PACRG: variants seen among roughly 807,000 people sequenced by gnomAD.
The protein encoded by PACRG is parkin coregulated gene protein.
Under a neutral mutation model 29.7 loss-of-function variants are expected in PACRG, and 29 were observed. The observed-to-expected ratio is 0.98, with a 90% confidence interval of 0.73 to 1.33. The LOEUF (loss-of-function observed/expected upper bound fraction) is 1.33, where lower values mean the gene tolerates loss of function less well. PACRG is among the 40% of genes most tolerant of loss of function. The pLI is 0.00. For synonymous variants in PACRG, 116 were observed against 118.7 expected (o/e 0.98, Z 0.15); for missense variants, 279 against 316.2 (o/e 0.88, Z 0.89).
At chr6:163,203,571 C>T (rs1307166115) in intron 4 of PACRG, among the ~76,000 whole-genome samples, 3 of 152,226 alleles carry the variant, frequency 2.0e-5, no homozygotes, top group Admixed American at 1.3e-4. Context: ...CCTCGTTCAG[C>T]TCATTAGCCC....
intron 2 of PACRG, among the ~76,000 whole-genome samples, chr6:162,814,986 G>A (rs1049832149): frequency 5.9e-5 from 9 of 152,188 alleles, no homozygotes; most frequent in East Asian, 3.8e-4. Context: ...TCTCTTAACC[G>A]GAGAAGGCTT....
chr6:162,776,342 C>T (rs1783640538), intron 1 of PACRG, among the ~76,000 whole-genome samples: 1 of 152,222 alleles, frequency 6.6e-6, no homozygotes, highest in Non-Finnish European at 1.5e-5. Flanking sequence ...TCCCATCTGC[C>T]TGTCCTCATT....
intron 4 of PACRG, among the ~76,000 whole-genome samples, chr6:163,287,230 C>T (rs888112142): frequency 2.0e-5 from 3 of 152,102 alleles, no homozygotes; most frequent in African/African-American, 4.8e-5. Context: ...ATGCTGGGGT[C>T]GCATTTGCTT....
intron 2 of PACRG, among the ~76,000 whole-genome samples, chr6:163,057,471 A>G (rs1362256542): frequency 1.3e-5 from 2 of 152,130 alleles, no homozygotes; most frequent in East Asian, 3.9e-4. Context: ...GCTAGAGTGC[A>G]GTTGCGCAAT....
At chr6:163,236,901 G>A (rs1782261406) in intron 4 of PACRG, among the ~76,000 whole-genome samples, 1 of 152,126 alleles carries the variant, frequency 6.6e-6, no homozygotes, top group African/African-American at 2.4e-5. Context: ...ATCTTACATG[G>A]CTTGAGCAGG....
At chr6:162,727,283 A>AAGGTGAGGGGCGGCGGC, upstream of PACRG, 1 of 265,566 alleles carries the variant, frequency 3.8e-6, no homozygotes, top group Non-Finnish European at 6.9e-6. Context: ...CAGTGAGGTG[A>AAGGTGAGGGGCGGCGGC]GGGGCGAAGG....
intron 2 of PACRG, among the ~76,000 whole-genome samples, chr6:162,947,296 TC>T (rs1309671401): frequency 5.0e-4 from 5 of 10,062 alleles, no homozygotes; most frequent in Non-Finnish European, 8.3e-4. Flanking sequence ...ATACATATAA[TC>T]ATATAATATA....
intron 3 of PACRG, among the ~76,000 whole-genome samples, chr6:163,068,011 C>A (rs928979787): frequency 3.3e-5 from 5 of 152,172 alleles, no homozygotes; most frequent in Non-Finnish European, 7.3e-5. Flanking sequence ...ATTTATCTGA[C>A]TTCATCTGAA....
At chr6:163,054,987 C>T (rs1810428699) in intron 2 of PACRG, among the ~76,000 whole-genome samples, 1 of 152,132 alleles carries the variant, frequency 6.6e-6, no homozygotes, top group African/African-American at 2.4e-5. Flanking sequence ...ACAACTTCAC[C>T]AGGTCAATTG....
At chr6:163,158,189 G>T (rs1778398616) in intron 4 of PACRG, among the ~76,000 whole-genome samples, 1 of 152,172 alleles carries the variant, frequency 6.6e-6, no homozygotes, top group Non-Finnish European at 1.5e-5. Flanking sequence ...GTAAAATGAG[G>T]CTGCTGACTG....
intron 3 of PACRG, among the ~76,000 whole-genome samples, chr6:163,070,636 G>A (rs1811953184): frequency 6.6e-6 from 1 of 151,810 alleles, no homozygotes; most frequent in Non-Finnish European, 1.5e-5. Flanking sequence ...AGGAAGGAAA[G>A]AAGGAATAGA....
intron 2 of PACRG, among the ~76,000 whole-genome samples, chr6:162,896,635 T>C (rs112654133): frequency 6.6e-6 from 1 of 152,356 alleles, no homozygotes; most frequent in Non-Finnish European, 1.5e-5. Flanking sequence ...TATAAACGTA[T>C]CCATGTGTTC....
intron 4 of PACRG, among the ~76,000 whole-genome samples, chr6:163,169,978 T>C (rs191275264): frequency 1.3e-5 from 2 of 152,216 alleles, no homozygotes; most frequent in South Asian, 2.1e-4. Flanking sequence ...GTCTGTGTGT[T>C]GTTGTCTGTG....
rs182358194 is a variant in PACRG, at chr6:163,107,655, A to G, written c.613+18247A>G. On this transcript the variant is annotated intron_variant, in intron 4 of 4. Coordinates refer to ENST00000366888, the MANE Select transcript of PACRG (RefSeq NM_001080379.2). ...GGGCCTCTCTGCTTCATGAGTTTCC[A>G]TAGATTTCTTGGTGAATATTCTTCT... Among the ~76,000 whole-genome samples, 10 of 152,230 alleles carry G rather than the reference A, an allele frequency of 6.6e-5. No individual in the cohort carries two copies. The East Asian group carries it at 1.5e-3, about 24-fold the overall frequency.
In PACRG at chr6:163,124,206, T is replaced by C. The variant is rs74719808; in HGVS notation, c.613+34798T>C. On this transcript the variant is annotated intron_variant, in intron 4 of 4. Transcript: ENST00000366888. Reference sequence around the variant, plus strand: ...TTTCAGAAATTAACTCCTTATCACATACATGGTTTGCAAATATGTTCTCCC... The same window carrying C: ...TTTCAGAAATTAACTCCTTATCACACACATGGTTTGCAAATATGTTCTCCC... 3.5e-4 allele frequency among the ~76,000 whole-genome samples: 54 copies of C among 152,350 alleles called. 1 individual carries two copies. In the East Asian group the frequency reaches 7.1e-3, roughly 20 times the overall value.
intron 2 of PACRG, among the ~76,000 whole-genome samples, chr6:163,034,779 G>C (rs1005745470): frequency 1.3e-5 from 2 of 152,244 alleles, no homozygotes; most frequent in Non-Finnish European, 1.5e-5. Flanking sequence ...TACAGGGAAG[G>C]GGTCCTAATC....
At chr6:163,300,041 C>T (rs12526892) in intron 4 of PACRG, among the ~76,000 whole-genome samples, 37,642 of 152,150 alleles carry the variant, frequency 0.25, 5,762 homozygotes, top group East Asian at 0.4. Flanking sequence ...ATGACCTATC[C>T]GGAGGCCTTG....
At chr6:163,275,100 C>G (rs1193002936) in intron 4 of PACRG, among the ~76,000 whole-genome samples, 1 of 152,108 alleles carries the variant, frequency 6.6e-6, no homozygotes, top group Non-Finnish European at 1.5e-5. Flanking sequence ...TCTCAAACTT[C>G]TGACCCCAAA....
chr6:163,172,992 A>G lies in PACRG; in HGVS notation c.613+83584A>G, dbSNP rs73784518. 4.7e-3 allele frequency among the ~76,000 whole-genome samples: 713 copies of G among 152,364 alleles called. 6 individuals carry two copies. Among genetic ancestry groups the G allele is most frequent in the African/African-American group, 0.016 (660 of 41,582 alleles). ...GGAATATTATATCACCATTTAAATGAGTGGAGAGTATCTAAGAACATGATA... is the reference window on the plus strand; with the variant it reads ...GGAATATTATATCACCATTTAAATGGGTGGAGAGTATCTAAGAACATGATA... On this transcript the variant is annotated intron_variant, in intron 4 of 4. Transcript: ENST00000366888.
Sources: allele counts gnomAD v4.1 joint callset (sites outside exome capture counted in the v4.1 genomes callset), GRCh38; gene constraint gnomAD v4.1.1; transcripts MANE v1.5; gene names NCBI Gene and HGNC (gene_info 2026-07-23, HGNC 2026-07-21).